The following TNXB variants were observed in gnomAD, a reference collection of about 807,000 sequenced individuals.
TNXB encodes tenascin XB.
Under a neutral mutation model 340.5 loss-of-function variants are expected in TNXB, and 183 were observed. That is an observed-to-expected ratio of 0.54 (90% CI 0.48 to 0.61). The LOEUF (loss-of-function observed/expected upper bound fraction) is 0.61. Ranked by LOEUF, TNXB falls within the 20% of genes least tolerant of loss-of-function variation. TNXB has a pLI of 0.00. For missense variants in TNXB, 4,613 were observed against 5,446.4 expected, an observed-to-expected ratio of 0.85 and a Z score of 4.82; for synonymous variants, 2,121 against 2,314.5, an observed-to-expected ratio of 0.92 and a Z score of 2.40.
intron 4 of TNXB, among the ~76,000 whole-genome samples, chr6:32,092,845 CA>C (rs1478621280): frequency 6.6e-6 from 1 of 152,200 alleles, no homozygotes; most frequent in East Asian, 1.9e-4. Context: ...ACCAATTTTA[CA>C]GGAGTGTTTT....
Position 32,090,126 on chromosome 6 carries a change from C to T in TNXB, c.2359-747G>A, listed in dbSNP as rs1780011518. 6.6e-6 allele frequency among the ~76,000 whole-genome samples: 1 copy of T among 152,188 alleles called. No homozygotes were observed. The highest frequency in any genetic ancestry group is 1.5e-5 in the Non-Finnish European group (1 of 68,038). Reference sequence around the variant, plus strand: ...TGCTCAAAGTTCCACAAATATGTTTCCTGATTGTTGATTTTGTACCTGGCA... The same window carrying T: ...TGCTCAAAGTTCCACAAATATGTTTTCTGATTGTTGATTTTGTACCTGGCA... On this transcript the variant is annotated intron_variant, in intron 4 of 43. Transcript: ENST00000644971. The surrounding 1 kb of genome is among the most constrained non-coding windows in gnomAD (Gnocchi z 4.3).
chr6:32,060,395 T>C (rs1221165863), intron 21 of TNXB, among the ~76,000 whole-genome samples: 1 of 146,330 alleles, frequency 6.8e-6, no homozygotes, highest in Non-Finnish European at 1.5e-5. Context: ...GTAGGACAGA[T>C]GGAGTGTAAA....
chr6:32,084,426 A>T lies in TNXB; in HGVS notation c.3432T>A (p.Ala1144=). 6.3e-7 allele frequency: 1 copy of T among 1,589,508 alleles called. No individual in the cohort carries two copies. The highest frequency in any genetic ancestry group is 1.3e-5 in the African/African-American group (1 of 74,758). The stretch of plus-strand genomic sequence containing the variant: ...GCTGTCACTCACAGATCTTGGCTTC[A>T]GCCACCAGCGGACCATGCCTCTTCT... ...VGKKRHGPLV[A]EAKILPQSDP... The change falls in exon 8 of 44, where the codon GCT becomes GCA. Residue 1144 remains alanine (A), a synonymous_variant. Coordinates refer to ENST00000644971, the MANE Select transcript of TNXB (RefSeq NM_001365276.2). The surrounding 1 kb of genome is among the most constrained non-coding windows in gnomAD (Gnocchi z 5.5).
chr6:32,058,100 C>T lies in TNXB; in HGVS notation c.7783G>A (p.Glu2595Lys), dbSNP rs374803743. ...GACACCGGGCCCAGGCGCCGCCCCT[C>T]GTGGAGGCCGTACAGGTGCATCTTG... ...KYKMHLYGLH[E>K]GRRLGPVSAV... The change falls in exon 22 of 44, where the codon GAG becomes AAG. Residue 2595 changes from glutamate (E) to lysine (K), a missense_variant. Physicochemically the swap from Glu to Lys is moderately conservative, Grantham distance 56 (BLOSUM62 1). This residue lies in a region of TNXB where 4,327 missense variants were observed against 4,859.4 expected (regional missense o/e 0.89). Coordinates refer to ENST00000644971, the MANE Select transcript of TNXB (RefSeq NM_001365276.2). This position sits in a 1 kb window ranked among gnomAD's most constrained non-coding sequence, Gnocchi z 5.1. 24 of 1,612,176 alleles carry T rather than the reference C, an allele frequency of 1.5e-5. No homozygotes were observed. The highest frequency in any genetic ancestry group is 6.7e-5 in the East Asian group (3 of 44,858).
At position 32,073,979 on chromosome 6, in the gene TNXB, T is replaced by G; in HGVS notation, c.4376-27A>C. Reference sequence around the variant, plus strand: ...TGGGACAGAGATGGTAGGGGGCTGTTAGTAAAGAATCCCCCTTTTCTTATA... The same window carrying G: ...TGGGACAGAGATGGTAGGGGGCTGTGAGTAAAGAATCCCCCTTTTCTTATA... On this transcript the variant is annotated intron_variant, in intron 11 of 43. Transcript: ENST00000644971. The surrounding 1 kb of genome is among the most constrained non-coding windows in gnomAD (Gnocchi z 4.6). 6.5e-7 allele frequency: 1 copy of G among 1,529,416 alleles called. No individual in the cohort carries two copies. 94.7% of individuals were successfully genotyped at this position (1,529,416 alleles called of 1,614,324 possible).
At chr6:32,077,852 C>T (rs1779165965) in intron 11 of TNXB, among the ~76,000 whole-genome samples, 1 of 152,164 alleles carries the variant, frequency 6.6e-6, no homozygotes, top group South Asian at 2.1e-4. Flanking sequence ...CATGGTAAAA[C>T]CCCATCTCTA....
intron 1 of TNXB, among the ~76,000 whole-genome samples, chr6:32,106,954 C>T (rs1781013259): frequency 6.6e-6 from 1 of 152,288 alleles, no homozygotes; most frequent in Non-Finnish European, 1.5e-5. Context: ...CCAAAACCTG[C>T]ATCCTTGTAG....
chr6:32,068,416 C>T lies in TNXB; in HGVS notation c.6194G>A (p.Gly2065Asp). The T allele has an allele frequency of 6.2e-7, 1 of 1,613,868 alleles. No homozygotes were observed. The highest frequency in any genetic ancestry group is 1.3e-5 in the African/African-American group (1 of 75,066). The stretch of plus-strand genomic sequence containing the variant: ...TGTCACCCCGACGACAGACACAGGG[C>T]CCATGCGCTGGCCACCGTGGAAGCC... ...LYGFHGGQRM[G>D]PVSVVGVTAA... is the part of the protein sequence containing the mutation. The change falls in exon 17 of 44, where the codon GGC becomes GAC. Residue 2065 changes from glycine (G) to aspartate (D), a missense_variant. Physicochemically the swap from Gly to Asp is moderately conservative, Grantham distance 94 (BLOSUM62 -1). This residue lies in a region of TNXB where 4,327 missense variants were observed against 4,859.4 expected (regional missense o/e 0.89). Transcript: ENST00000644971. The surrounding 1 kb of genome is among the most constrained non-coding windows in gnomAD (Gnocchi z 5.3).
Position 32,046,704 on chromosome 6 carries a change from A to G in TNXB, c.10325-248T>C, listed in dbSNP as rs2151888265. 1 of 426,098 alleles carries G rather than the reference A, an allele frequency of 2.3e-6. No homozygotes were observed. The highest frequency in any genetic ancestry group is 7.8e-5 in the South Asian group (1 of 12,812). 26.4% of individuals were successfully genotyped at this position (426,098 alleles called of 1,614,324 possible). ...CGCCCCTTCCCTGCTGTGATCGAGGATGCGCCAAATTCATTACAGATCATC... is the reference window on the plus strand; with the variant it reads ...CGCCCCTTCCCTGCTGTGATCGAGGGTGCGCCAAATTCATTACAGATCATC... On this transcript the variant is annotated intron_variant, in intron 30 of 43. Coordinates refer to ENST00000644971, the MANE Select transcript of TNXB (RefSeq NM_001365276.2). This position sits in a 1 kb window ranked among gnomAD's most constrained non-coding sequence, Gnocchi z 6.9.
chr6:32,057,248 C>T (rs968504619), intron 22 of TNXB, among the ~76,000 whole-genome samples: 2 of 152,204 alleles, frequency 1.3e-5, no homozygotes, highest in Admixed American at 1.3e-4. Flanking sequence ...GGGCTTCTGT[C>T]TTTGCTCCGC....
At chr6:32,063,400 T>C (rs1252007050) in intron 19 of TNXB, among the ~76,000 whole-genome samples, 1 of 119,226 alleles carries the variant, frequency 8.4e-6, no homozygotes, top group African/African-American at 3.2e-5. Flanking sequence ...CATCTCAACA[T>C]AAAGAAAAAA....
In TNXB at chr6:32,081,743, A is replaced by G; in HGVS notation, c.3737-70T>C. On this transcript the variant is annotated intron_variant, in intron 9 of 43. Coordinates refer to ENST00000644971, the MANE Select transcript of TNXB (RefSeq NM_001365276.2). This position sits in a 1 kb window ranked among gnomAD's most constrained non-coding sequence, Gnocchi z 5.1. The stretch of plus-strand genomic sequence containing the variant: ...GACTGGGGCTTGGGGTTTCGACGGG[A>G]TGTCACACCTATGGGGGGTGGGGGG... The G allele has an allele frequency of 1.1e-6, 1 of 927,806 alleles. No homozygotes were observed. Among genetic ancestry groups the G allele is most frequent in the Non-Finnish European group, 1.6e-6 (1 of 642,406 alleles). The allele number at this position is 927,806 out of a possible 1,614,324, so 57.5% of individuals were successfully genotyped here.
rs781473152 is a variant in TNXB at position 32,043,533 on chromosome 6, G to C, written c.11554C>G (p.Arg3852Gly). Reference sequence around the variant, plus strand: ...AATCCCTCGGTCAAGTTCAGTGCACGCAACTGTGTGGGACCGTCAGGAACT... The same window carrying C: ...AATCCCTCGGTCAAGTTCAGTGCACCCAACTGTGTGGGACCGTCAGGAACT... Reference protein sequence around the residue: ...TTVPDGPTQLRALNLTEGFAV... With the variant: ...TTVPDGPTQLGALNLTEGFAV... The change falls in exon 36 of 44, where the codon CGT becomes GGT. Residue 3852 changes from arginine (R) to glycine (G), a missense_variant. By Grantham distance (125) the Arg-to-Gly change is moderately radical (BLOSUM62 -2). Transcript: ENST00000644971. 1 of 908,572 alleles carries C rather than the reference G, an allele frequency of 1.1e-6. No individual in the cohort carries two copies. The highest frequency in any genetic ancestry group is 1.4e-5 in the South Asian group (1 of 72,308). 56.3% of individuals were successfully genotyped at this position (908,572 alleles called of 1,614,324 possible).
At position 32,049,626 on chromosome 6, in the gene TNXB, T is replaced by A. The variant is rs1483165861; in HGVS notation, c.9440-39A>T. 2 of 1,587,526 alleles carry A rather than the reference T, an allele frequency of 1.3e-6. No individual in the cohort carries two copies. The highest frequency in any genetic ancestry group is 2.7e-5 in the African/African-American group (2 of 74,160). The stretch of plus-strand genomic sequence containing the variant: ...GGAGGGAGAGAGAGTGAGGGGGATG[T>A]CCTTGGGTCCTGGGGAAAAGGAGGG... On this transcript the variant is annotated intron_variant, in intron 27 of 43. Transcript: ENST00000644971. The surrounding 1 kb of genome is among the most constrained non-coding windows in gnomAD (Gnocchi z 4.5).
Position 32,089,338 on chromosome 6 carries a change from G to A in TNXB, c.2400C>T (p.Ser800=). The A allele has an allele frequency of 6.2e-7, 1 of 1,608,452 alleles. No individual in the cohort carries two copies. Among genetic ancestry groups the A allele is most frequent in the South Asian group, 1.1e-5 (1 of 89,806 alleles). Residue 800 remains serine, a synonymous_variant, in exon 5 of 44, where the codon AGC becomes AGT. Transcript: ENST00000644971. The surrounding 1 kb of genome is among the most constrained non-coding windows in gnomAD (Gnocchi z 6.2). ...ASPPFTARVP[S]SASAYDQRGL... The stretch of plus-strand genomic sequence containing the variant: ...CTCTCTGGTCATAGGCTGAGGCAGA[G>A]CTTGGAACCCGTGCTGTGAATGGGG...
At position 32,082,468 on chromosome 6, in the gene TNXB, T is replaced by A; in HGVS notation, c.3446-142A>T. ...ATTTGCTGAGGGAGTACAGAGGGAC[T>A]GAAATCCAGCCAGCACTCTGCTTGC... On this transcript the variant is annotated intron_variant, in intron 8 of 43. Coordinates refer to ENST00000644971, the MANE Select transcript of TNXB (RefSeq NM_001365276.2). This position sits in a 1 kb window ranked among gnomAD's most constrained non-coding sequence, Gnocchi z 5.0. 1 of 851,068 alleles carries A rather than the reference T, an allele frequency of 1.2e-6. No individual in the cohort carries two copies. Among genetic ancestry groups the A allele is most frequent in the South Asian group, 1.9e-5 (1 of 54,012 alleles). 52.7% of individuals were successfully genotyped at this position (851,068 alleles called of 1,614,324 possible). A position where few individuals can be genotyped will look rare whatever the true frequency, so the allele number is the denominator to read the frequency against.
rs144556766 is a variant in TNXB, at chr6:32,095,735, T to TAC, written c.2116_2117dup (p.Glu707Ter). On this transcript the variant is annotated frameshift_variant, in exon 3 of 44. Coordinates refer to ENST00000644971, the MANE Select transcript of TNXB (RefSeq NM_001365276.2). LOFTEE classifies it high-confidence loss of function. Reference sequence around the variant, plus strand: ...CACAGTCAGGGCCTCGGAAGCCCTCTACACACACACACTGGCCTGCCCGGC... The same window carrying TAC: ...CACAGTCAGGGCCTCGGAAGCCCTCTACACACACACACACTGGCCTGCCCGGC... The TAC allele has an allele frequency of 6.2e-7, 1 of 1,613,688 alleles. No homozygotes were observed. Among genetic ancestry groups the TAC allele is most frequent in the Non-Finnish European group, 8.5e-7 (1 of 1,179,742 alleles).
chr6:32,084,823 A>C lies in TNXB; in HGVS notation c.3149-114T>G. 1 of 947,354 alleles carries C rather than the reference A, an allele frequency of 1.1e-6. No individual in the cohort carries two copies. The allele number at this position is 947,354 out of a possible 1,614,324, so 58.7% of individuals were successfully genotyped here. Reference sequence around the variant, plus strand: ...CATCCTGGATAGATCCCTCCCCGGAAGACTCTATCTGCCCACCCCTCAGTG... The same window carrying C: ...CATCCTGGATAGATCCCTCCCCGGACGACTCTATCTGCCCACCCCTCAGTG... On this transcript the variant is annotated intron_variant, in intron 7 of 43. Transcript: ENST00000644971. The surrounding 1 kb of genome is among the most constrained non-coding windows in gnomAD (Gnocchi z 5.5).
intron 25 of TNXB, 57 bp downstream of exon 25, chr6:32,053,331 C>T (rs1777409196): frequency 6.4e-7 from 1 of 1,573,786 alleles, no homozygotes. Context: ...CACCCATCAC[C>T]AGAGAAAGGG....
Sources: allele counts gnomAD v4.1 joint callset (sites outside exome capture counted in the v4.1 genomes callset), GRCh38; gene constraint gnomAD v4.1.1; regional missense constraint gnomAD v4.1.1; non-coding constraint Gnocchi (gnomAD v3.1); transcripts MANE v1.5; gene names NCBI Gene and HGNC (gene_info 2026-07-23, HGNC 2026-07-21).